Variants in PLEKHA8 observed in about 807,000 individuals in gnomAD.
PLEKHA8 encodes the protein pleckstrin homology domain containing A8, also known as pleckstrin homology domain-containing family A member 8.
In PLEKHA8, 36 loss-of-function variants were observed where a neutral mutation model predicts 68.2. The observed-to-expected ratio is 0.53, with a 90% CI of 0.40 to 0.70. PLEKHA8 has a LOEUF of 0.70. Ranked by LOEUF, PLEKHA8 falls within the 30% of genes least tolerant of loss-of-function variation. PLEKHA8 has a pLI of 0.00. For missense variants in PLEKHA8, 505 were observed against 615.4 expected (o/e 0.82, Z 1.90); for synonymous variants, 211 against 216.1 (o/e 0.98, Z 0.20).
At chr7:30,121,820 A>G (rs1479784733) in intron 13 of PLEKHA8, among the ~76,000 whole-genome samples, 2 of 152,212 alleles carry the variant, frequency 1.3e-5, no homozygotes, top group Non-Finnish European at 2.9e-5. Context: ...TTTCCAGGAA[A>G]AGATGCTGGC....
rs1241425554 is a variant in PLEKHA8 at position 30,082,662 on chromosome 7, T to G, written c.*3875T>G. The G allele has an allele frequency of 1.0e-6, 1 of 983,828 alleles. No individual in the cohort carries two copies. Among genetic ancestry groups the G allele is most frequent in the African/African-American group, 1.7e-5 (1 of 57,198 alleles). The allele number at this position is 983,828 out of a possible 1,614,324, so 60.9% of individuals were successfully genotyped here. ...ATATTTTCAGAAAAGTGTTTTTAATTAAAAATATGTGATAGGGACCAAATA... is the reference window on the plus strand; with the variant it reads ...ATATTTTCAGAAAAGTGTTTTTAATGAAAAATATGTGATAGGGACCAAATA... On this transcript the variant is annotated 3_prime_UTR_variant, in exon 14 of 14. Coordinates refer to ENST00000449726, the MANE Select transcript of PLEKHA8 (RefSeq NM_001197026.2).
At chr7:30,117,649 A>G (rs1796608735) in intron 13 of PLEKHA8, among the ~76,000 whole-genome samples, 1 of 152,158 alleles carries the variant, frequency 6.6e-6, no homozygotes, top group African/African-American at 2.4e-5. Context: ...GGCTGCAGTG[A>G]GCCATGATCA....
At chr7:30,050,534 T>TA in intron 6 of PLEKHA8, 60 bp downstream of exon 6, 1 of 1,461,900 alleles carries the variant, frequency 6.8e-7, no homozygotes, top group Non-Finnish European at 9.1e-7. Context: ...TTGTTATTCC[T>TA]TGTTTAAAAA....
intron 1 of PLEKHA8, among the ~76,000 whole-genome samples, chr7:30,030,587 T>C (rs997543303): frequency 5.9e-5 from 9 of 152,240 alleles, no homozygotes; most frequent in African/African-American, 1.4e-4. Flanking sequence ...ACTGGAGCCA[T>C]TGCCAGAGAC....
At chr7:30,110,938 T>C (rs542702449) in intron 13 of PLEKHA8, among the ~76,000 whole-genome samples, 1 of 151,208 alleles carries the variant, frequency 6.6e-6, no homozygotes, top group South Asian at 2.1e-4. Context: ...GGAGTCTCAC[T>C]CTGTTGCCCA....
chr7:30,031,077 A>C (rs1790627666), intron 1 of PLEKHA8, among the ~76,000 whole-genome samples: 1 of 152,162 alleles, frequency 6.6e-6, no homozygotes, highest in East Asian at 1.9e-4. Context: ...AATTTGAGTG[A>C]AGTTAGGAAA....
At chr7:30,093,936 G>A (rs2128007248), downstream of PLEKHA8, among the ~76,000 whole-genome samples, 1 of 152,304 alleles carries the variant, frequency 6.6e-6, no homozygotes, top group South Asian at 2.1e-4. Flanking sequence ...TTGATCTTTT[G>A]TTTCCTAGTC....
chr7:30,129,541 G>C (rs985867124), downstream of PLEKHA8: 1 of 551,024 alleles, frequency 1.8e-6, no homozygotes, highest in Non-Finnish European at 3.2e-6. Context: ...TTTTCAACAT[G>C]TACACCTGAT....
chr7:30,047,174 A>G (rs1792025360), intron 3 of PLEKHA8, among the ~76,000 whole-genome samples: 1 of 152,154 alleles, frequency 6.6e-6, no homozygotes, highest in South Asian at 2.1e-4. Flanking sequence ...AATAAATTCT[A>G]GAAGCTGTTG....
At chr7:30,029,263 A>G (rs1227353722) in intron 1 of PLEKHA8, among the ~76,000 whole-genome samples, 2 of 152,214 alleles carry the variant, frequency 1.3e-5, no homozygotes, top group Admixed American at 1.3e-4. Context: ...CCTCAGTGCA[A>G]ACACTTTCCC....
chr7:30,130,196 C>T (rs1036705083), downstream of PLEKHA8: 1 of 152,132 alleles, frequency 6.6e-6, no homozygotes, highest in Non-Finnish European at 1.5e-5. Flanking sequence ...TAAGTTTCAG[C>T]AAATATAATA....
At chr7:30,127,449 C>G (rs931749123) in intron 13 of PLEKHA8, among the ~76,000 whole-genome samples, 1 of 152,166 alleles carries the variant, frequency 6.6e-6, no homozygotes, top group Admixed American at 6.5e-5. Context: ...AACTTCTAGA[C>G]AGAAGTTAAC....
intron 13 of PLEKHA8, chr7:30,116,020 A>G (rs932860739): frequency 6.7e-6 from 1 of 149,644 alleles, no homozygotes; most frequent in South Asian, 2.1e-4. Flanking sequence ...ATACGCATAC[A>G]TACGTATACA....
At chr7:30,115,519 C>T (rs114212664) in intron 13 of PLEKHA8, among the ~76,000 whole-genome samples, 1,278 of 108,874 alleles carry the variant, frequency 0.012, 18 homozygotes, top group African/African-American at 0.033. Context: ...TACACATACA[C>T]GTATACATGT....
chr7:30,038,094 G>C (rs935065450), intron 1 of PLEKHA8, among the ~76,000 whole-genome samples: 4 of 152,092 alleles, frequency 2.6e-5, no homozygotes, highest in African/African-American at 9.7e-5. Flanking sequence ...GGACTTAAAG[G>C]CAGAATGATA....
chr7:30,072,340 G>A (rs535755762), intron 12 of PLEKHA8, among the ~76,000 whole-genome samples: 1 of 152,276 alleles, frequency 6.6e-6, no homozygotes, highest in African/African-American at 2.4e-5. Flanking sequence ...TATGTATTGA[G>A]TATGTATTTT....
intron 13 of PLEKHA8, among the ~76,000 whole-genome samples, chr7:30,117,619 A>C (rs1480348570): frequency 6.6e-6 from 1 of 152,092 alleles, no homozygotes; most frequent in African/African-American, 2.4e-5. Context: ...CGAGAGGGTC[A>C]CTTGAGCCCA....
chr7:30,048,611 A>G (rs888827012), intron 4 of PLEKHA8, among the ~76,000 whole-genome samples: 1 of 152,260 alleles, frequency 6.6e-6, no homozygotes, highest in South Asian at 2.1e-4. Context: ...AATGGCTCAC[A>G]TTAACCAGAG....
At chr7:30,052,659 A>G (rs920950840) in intron 6 of PLEKHA8, 50 bp from the exon 7 acceptor site, 8 of 1,411,508 alleles carry the variant, frequency 5.7e-6, no homozygotes, top group Non-Finnish European at 7.5e-6. Context: ...AAAAAAAAAA[A>G]AGACCAAATA....
Sources: gnomAD v4.1 joint callset for allele counts (sites outside exome capture counted in the v4.1 genomes callset) on GRCh38, gnomAD v4.1.1 for gene constraint, MANE v1.5 for transcripts, NCBI Gene and HGNC (gene_info 2026-07-23, HGNC 2026-07-21) for gene names.